Variants in TAF5 observed in about 807,000 individuals in gnomAD.
TAF5 encodes the protein transcription initiation factor TFIID subunit 5.
TAF5 carries 20 observed loss-of-function variants against 80.9 expected under a neutral mutation model. The observed-to-expected ratio is 0.25, with a 90% CI of 0.17 to 0.36. TAF5 has a LOEUF of 0.36. TAF5 is among the 10% of genes least tolerant of loss of function. The probability of loss-of-function intolerance (pLI) is 1.00; values close to 1 mark genes in which losing one functional copy is unlikely to be tolerated. For missense variants in TAF5, 863 were observed against 1,029.4 expected (o/e 0.84, Z 2.21); for synonymous variants, 388 against 406.4 (o/e 0.95, Z 0.55).
At position 103,387,993 on chromosome 10, in the gene TAF5, G is replaced by T. The variant is rs2093401667; in HGVS notation, c.2186-13G>T. On this transcript the variant is annotated splice_polypyrimidine_tract_variant and intron_variant, in intron 10 of 10. Coordinates refer to ENST00000369839, the MANE Select transcript of TAF5 (RefSeq NM_006951.5). ...ATGGATGCAACTAATGGTTTCCTTT[G>T]ACTTCCCCTTAGGTTCAATGGATAA... is the stretch of plus-strand genomic sequence containing the variant. 6.2e-7 allele frequency: 1 copy of T among 1,608,572 alleles called. No homozygotes were observed. Among genetic ancestry groups the T allele is most frequent in the South Asian group, 1.1e-5 (1 of 90,752 alleles).
At chr10:103,380,562 T>C (rs1316894361) in intron 5 of TAF5, among the ~76,000 whole-genome samples, 1 of 152,210 alleles carries the variant, frequency 6.6e-6, no homozygotes, top group Non-Finnish European at 1.5e-5. Context: ...GAGGAGCAAA[T>C]TGTAGTTCAT....
chr10:103,387,431 T>C (rs1397800530), intron 9 of TAF5, 79 bp downstream of exon 9: 8 of 1,549,556 alleles, frequency 5.2e-6, no homozygotes, highest in Non-Finnish European at 7.0e-6. Flanking sequence ...GACACATAAA[T>C]TTTAAAGATA....
At chr10:103,387,918 T>C in intron 10 of TAF5, 88 bp from the exon 11 acceptor site, 2 of 1,317,528 alleles carry the variant, frequency 1.5e-6, no homozygotes, top group Non-Finnish European at 2.1e-6. Context: ...TCACCCAAAA[T>C]GTACAGTAAA....
chr10:103,378,106 A>C lies in TAF5; in HGVS notation c.798-129A>C, dbSNP rs1355591422. 2 of 711,504 alleles carry C rather than the reference A, an allele frequency of 2.8e-6. No individual in the cohort carries two copies. Among genetic ancestry groups the C allele is most frequent in the Non-Finnish European group, 4.5e-6 (2 of 441,078 alleles). The allele number at this position is 711,504 out of a possible 1,614,324, so 44.1% of individuals were successfully genotyped here. On this transcript the variant is annotated intron_variant, in intron 2 of 10. Coordinates refer to ENST00000369839, the MANE Select transcript of TAF5 (RefSeq NM_006951.5). The surrounding 1 kb of genome is among the most constrained non-coding windows in gnomAD (Gnocchi z 4.1). ...TTTGAAATGAGTTACTTCTTATCCT[A>C]CAGCTTAGTTCAGGATTATTTAGAC...
chr10:103,387,433 T>A, intron 9 of TAF5, 81 bp downstream of exon 9: 6 of 1,549,596 alleles, frequency 3.9e-6, no homozygotes, highest in Non-Finnish European at 5.2e-6. Flanking sequence ...CACATAAATT[T>A]TAAAGATACC....
At chr10:103,381,603 A>T in intron 5 of TAF5, 118 bp from the exon 6 acceptor site, 1 of 1,156,872 alleles carries the variant, frequency 8.6e-7, no homozygotes, top group African/African-American at 1.6e-5. Flanking sequence ...GTCTTTATAT[A>T]TTCCTTAAAA....
intron 1 of TAF5, among the ~76,000 whole-genome samples, chr10:103,370,621 C>T (rs1402383390): frequency 6.6e-6 from 1 of 152,012 alleles, no homozygotes; most frequent in Non-Finnish European, 1.5e-5. Context: ...GCCACCGTGC[C>T]CGGCCACTTG....
At chr10:103,387,807 G>A (rs1592097423) in intron 10 of TAF5, 109 bp downstream of exon 10, 1 of 1,221,860 alleles carries the variant, frequency 8.2e-7, no homozygotes, top group East Asian at 2.3e-5. Flanking sequence ...CTTTAGCTAT[G>A]ATTCCAGAGT....
At chr10:103,377,413 C>G (rs1330740217) in intron 2 of TAF5, among the ~76,000 whole-genome samples, 2 of 152,158 alleles carry the variant, frequency 1.3e-5, no homozygotes, top group Non-Finnish European at 2.9e-5. Context: ...TGACTATGTG[C>G]TTATCAGAGC....
Position 103,388,584 on chromosome 10 carries a change from C to T in TAF5, c.*361C>T, listed in dbSNP as rs2093403614. On this transcript the variant is annotated 3_prime_UTR_variant, in exon 11 of 11. Coordinates refer to ENST00000369839, the MANE Select transcript of TAF5 (RefSeq NM_006951.5). The stretch of plus-strand genomic sequence containing the variant: ...AGATTCAAATTCAGAAATATACTAT[C>T]ATCTTGAATTTTAGCTGAAGAATCC... The T allele has an allele frequency of 5.8e-6, 1 of 172,986 alleles. No homozygotes were observed. The highest frequency in any genetic ancestry group is 2.4e-5 in the African/African-American group (1 of 41,750). 10.7% of individuals were successfully genotyped at this position (172,986 alleles called of 1,614,324 possible).
chr10:103,389,015 A>T lies in TAF5; in HGVS notation c.*792A>T, dbSNP rs1256553330. 1 of 152,634 alleles carries T rather than the reference A, an allele frequency of 6.6e-6. No homozygotes were observed. Among genetic ancestry groups the T allele is most frequent in the East Asian group, 1.9e-4 (1 of 5,200 alleles). 9.5% of individuals were successfully genotyped at this position (152,634 alleles called of 1,614,324 possible). ...CTTTGTTGCATTTTGTACAGTTTTT[A>T]TATTTTTGATATCTTGTAAATAAAG... is the stretch of plus-strand genomic sequence containing the variant. On this transcript the variant is annotated 3_prime_UTR_variant, in exon 11 of 11. Transcript: ENST00000369839.
chr10:103,377,991 G>C (rs1018052561), intron 2 of TAF5, among the ~76,000 whole-genome samples: 2 of 152,094 alleles, frequency 1.3e-5, no homozygotes, highest in Non-Finnish European at 2.9e-5. Context: ...GGATATTTAA[G>C]TTCTTTTCTT....
intron 6 of TAF5, 105 bp downstream of exon 6, chr10:103,381,946 G>T: frequency 6.8e-7 from 1 of 1,477,534 alleles, no homozygotes. Context: ...AAATTCACTT[G>T]ATTTTACTTT....
intron 1 of TAF5, 77 bp downstream of exon 1, chr10:103,368,625 C>A: frequency 2.8e-6 from 4 of 1,403,940 alleles, no homozygotes; most frequent in Non-Finnish European, 3.7e-6. Flanking sequence ...GGCAGGCCTG[C>A]ACCTCTGCGG....
rs1317518805 is a variant in TAF5 at position 103,386,820 on chromosome 10, T to C, written c.1830-355T>C. Among the ~76,000 whole-genome samples the C allele has an allele frequency of 2.0e-5, 3 of 152,194 alleles. No individual in the cohort carries two copies. In the East Asian group the frequency reaches 5.8e-4, roughly 30 times the overall value. On this transcript the variant is annotated intron_variant, in intron 8 of 10. Coordinates refer to ENST00000369839, the MANE Select transcript of TAF5 (RefSeq NM_006951.5). ...CTGGGATTACAGGCGTGCGCCACCA[T>C]GCCCAGCTAATTTTTTGTATTTTTA... is the stretch of plus-strand genomic sequence containing the variant.
In TAF5 at chr10:103,378,029, G is replaced by T. The variant is rs1409920222; in HGVS notation, c.798-206G>T. 6.6e-6 allele frequency among the ~76,000 whole-genome samples: 1 copy of T among 152,112 alleles called. No individual in the cohort carries two copies. Among genetic ancestry groups the T allele is most frequent in the Non-Finnish European group, 1.5e-5 (1 of 68,018 alleles). ...AATGTTTGTGATACATTTCATTAGA[G>T]AATTACATTTGTTCATTTTTAGAAT... is the stretch of plus-strand genomic sequence containing the variant. On this transcript the variant is annotated intron_variant, in intron 2 of 10. Coordinates refer to ENST00000369839, the MANE Select transcript of TAF5 (RefSeq NM_006951.5). The surrounding 1 kb of genome is among the most constrained non-coding windows in gnomAD (Gnocchi z 4.1).
intron 7 of TAF5, among the ~76,000 whole-genome samples, chr10:103,384,308 T>A (rs2093390527): frequency 6.6e-6 from 1 of 152,198 alleles, no homozygotes; most frequent in African/African-American, 2.4e-5. Flanking sequence ...TTTGTATTCA[T>A]AATACCATCA....
chr10:103,368,431 C>T lies in TAF5; in HGVS notation c.442C>T (p.Leu148Phe). The T allele has an allele frequency of 5.1e-6, 8 of 1,579,352 alleles. No individual in the cohort carries two copies. Among genetic ancestry groups the T allele is most frequent in the Non-Finnish European group, 6.8e-6 (8 of 1,172,170 alleles). The change falls in exon 1 of 11, where the codon CTC (leucine) becomes TTC (phenylalanine). Residue 148 changes from leucine to phenylalanine, a missense_variant. Coordinates refer to ENST00000369839, the MANE Select transcript of TAF5 (RefSeq NM_006951.5). ...SAGAEVTSAL[L>F]SRVTASAPGP... Reference sequence around the variant, plus strand: ...CGGCGCTGAGGTGACCAGCGCGCTTCTCAGCCGGGTGACCGCCTCGGCCCC... The same window carrying T: ...CGGCGCTGAGGTGACCAGCGCGCTTTTCAGCCGGGTGACCGCCTCGGCCCC...
At chr10:103,375,058 G>T (rs1239897072) in intron 2 of TAF5, among the ~76,000 whole-genome samples, 1 of 147,702 alleles carries the variant, frequency 6.8e-6, no homozygotes, top group East Asian at 2.0e-4. Flanking sequence ...GATAGAGGTT[G>T]CAGTGAGCTG....
Sources: allele counts gnomAD v4.1 joint callset (sites outside exome capture counted in the v4.1 genomes callset), GRCh38; gene constraint gnomAD v4.1.1; non-coding constraint Gnocchi (gnomAD v3.1); transcripts MANE v1.5; gene names NCBI Gene and HGNC (gene_info 2026-07-23, HGNC 2026-07-21).